The following DENND2A variants were observed in gnomAD, a reference collection of about 807,000 sequenced individuals.
DENND2A encodes DENN domain-containing protein 2A.
Under a neutral mutation model 105.3 loss-of-function variants are expected in DENND2A, and 53 were observed. The observed-to-expected ratio is 0.50, with a 90% confidence interval of 0.40 to 0.63. The LOEUF (loss-of-function observed/expected upper bound fraction) is 0.63, where lower values mean the gene tolerates loss of function less well. Among genes scored for constraint, DENND2A ranks in the 30% least tolerant of loss-of-function variants. The pLI is 0.00. For synonymous variants in DENND2A, 522 were observed against 508.4 expected (o/e 1.03, Z -0.36); for missense variants, 1,138 against 1,279.6 (o/e 0.89, Z 1.69).
At chr7:140,596,733 G>T (rs1041858029) in intron 3 of DENND2A, among the ~76,000 whole-genome samples, 6 of 152,174 alleles carry the variant, frequency 3.9e-5, no homozygotes, top group Admixed American at 6.5e-5. Flanking sequence ...AGATCTACAA[G>T]CTGTCACATG....
chr7:140,630,330 T>G (rs1377366982), intron 1 of DENND2A, among the ~76,000 whole-genome samples: 1 of 152,168 alleles, frequency 6.6e-6, no homozygotes, highest in African/African-American at 2.4e-5. Flanking sequence ...AGGCTCTTTG[T>G]ATGTTTCTTT....
In DENND2A at chr7:140,546,942, G is replaced by C. The variant is rs1486568776; in HGVS notation, c.2038-3C>G. The stretch of plus-strand genomic sequence containing the variant: ...CTTTTTTCCACCTCATCCAAGATCT[G>C]CAAGGGTCAGAAAAGCAGCTTAGCT... On this transcript the variant is annotated splice_polypyrimidine_tract_variant and splice_region_variant and intron_variant, in intron 12 of 19. Coordinates refer to ENST00000496613, the MANE Select transcript of DENND2A (RefSeq NM_015689.5). The C allele has an allele frequency of 1.9e-6, 3 of 1,612,648 alleles. No individual in the cohort carries two copies. In the African/African-American group the frequency reaches 4.0e-5, roughly 22 times the overall value.
chr7:140,538,981 G>A (rs1474010916), intron 14 of DENND2A, among the ~76,000 whole-genome samples: 2 of 150,250 alleles, frequency 1.3e-5, no homozygotes, highest in East Asian at 2.0e-4. Context: ...GTGCCACCAC[G>A]CCCAGCTAAT....
At chr7:140,626,247 C>T (rs918175278) in intron 1 of DENND2A, among the ~76,000 whole-genome samples, 1 of 152,220 alleles carries the variant, frequency 6.6e-6, no homozygotes, top group African/African-American at 2.4e-5. Context: ...TTCCCCTTCT[C>T]CGTCCCCTGC....
chr7:140,628,875 G>GCC (rs1800632551), intron 1 of DENND2A, among the ~76,000 whole-genome samples: 1 of 152,052 alleles, frequency 6.6e-6, no homozygotes, highest in South Asian at 2.1e-4. Context: ...AGCCAGCATT[G>GCC]ATCAGTTTAA....
chr7:140,546,282 G>A (rs1314496967), intron 13 of DENND2A, among the ~76,000 whole-genome samples: 2 of 152,046 alleles, frequency 1.3e-5, no homozygotes, highest in Non-Finnish European at 2.9e-5. Context: ...GCCGGGTGTG[G>A]CAGCAGGCAC....
intron 3 of DENND2A, among the ~76,000 whole-genome samples, chr7:140,598,636 AC>A (rs1788617865): frequency 6.6e-6 from 1 of 152,164 alleles, no homozygotes; most frequent in Non-Finnish European, 1.5e-5. Context: ...ACACAAACAC[AC>A]ACAAAATAAG....
At chr7:140,629,803 T>C (rs1430920462) in intron 1 of DENND2A, among the ~76,000 whole-genome samples, 2 of 151,838 alleles carry the variant, frequency 1.3e-5, no homozygotes, top group African/African-American at 2.4e-5. Flanking sequence ...GTTGCTCTTA[T>C]GGTGCTCTTG....
At chr7:140,550,399 CCAGGCTGGAGTG>C (rs1403368255) in intron 12 of DENND2A, among the ~76,000 whole-genome samples, 1 of 152,022 alleles carries the variant, frequency 6.6e-6, no homozygotes, top group Non-Finnish European at 1.5e-5. Flanking sequence ...CTGTTGTTGC[CCAGGCTGGAGTG>C]CAGTGGTGCG....
intron 5 of DENND2A, among the ~76,000 whole-genome samples, chr7:140,576,837 T>C (rs1199230970): frequency 6.6e-6 from 1 of 152,160 alleles, no homozygotes; most frequent in Admixed American, 6.6e-5. Context: ...CCAAATTCCA[T>C]CTACAATAAA....
At chr7:140,534,958 G>A (rs1332684846) in intron 14 of DENND2A, among the ~76,000 whole-genome samples, 3 of 152,162 alleles carry the variant, frequency 2.0e-5, no homozygotes, top group Non-Finnish European at 4.4e-5. Context: ...TTGGGTGGTG[G>A]TTCCTGAGTG....
intron 3 of DENND2A, among the ~76,000 whole-genome samples, chr7:140,595,463 A>G (rs551695947): frequency 1.3e-4 from 20 of 152,010 alleles, no homozygotes; most frequent in Middle Eastern, 3.4e-3. Context: ...ATTTTCCTCT[A>G]TGGATTAAAA....
chr7:140,619,738 G>T (rs896743820), intron 1 of DENND2A, among the ~76,000 whole-genome samples: 1 of 151,920 alleles, frequency 6.6e-6, no homozygotes, highest in Admixed American at 6.6e-5. Flanking sequence ...GACCTCAAGT[G>T]ATCTGCCTGC....
At chr7:140,546,289 G>A (rs1796900290) in intron 13 of DENND2A, among the ~76,000 whole-genome samples, 1 of 151,964 alleles carries the variant, frequency 6.6e-6, no homozygotes, top group African/African-American at 2.4e-5. Context: ...GTGGCAGCAG[G>A]CACCTGTAGT....
intron 14 of DENND2A, among the ~76,000 whole-genome samples, chr7:140,542,851 C>T (rs767671410): frequency 2.6e-5 from 4 of 152,090 alleles, no homozygotes; most frequent in Non-Finnish European, 4.4e-5. Context: ...CAGTCATGAG[C>T]CACCGCGCCT....
intron 6 of DENND2A, among the ~76,000 whole-genome samples, chr7:140,571,654 T>C (rs1163404473): frequency 2.0e-5 from 3 of 152,206 alleles, no homozygotes; most frequent in Middle Eastern, 3.4e-3. Context: ...CAAGTGTCCA[T>C]GGACGGATAG....
intron 12 of DENND2A, among the ~76,000 whole-genome samples, chr7:140,554,008 A>G (rs1797255194): frequency 6.6e-6 from 1 of 152,076 alleles, no homozygotes; most frequent in African/African-American, 2.4e-5. Context: ...TGGGCGGATT[A>G]CGAGGTCAGG....
intron 14 of DENND2A, among the ~76,000 whole-genome samples, chr7:140,541,428 TG>T (rs948701440): frequency 6.6e-6 from 1 of 152,020 alleles, no homozygotes; most frequent in Non-Finnish European, 1.5e-5. Flanking sequence ...CCACCACTCC[TG>T]GGGGGTGCTG....
At chr7:140,629,456 C>T (rs970075589) in intron 1 of DENND2A, among the ~76,000 whole-genome samples, 1 of 151,998 alleles carries the variant, frequency 6.6e-6, no homozygotes, top group Admixed American at 6.6e-5. Context: ...GCATGAAGAC[C>T]GCCTGCTAGG....
Sources: gnomAD v4.1 joint callset for allele counts (sites outside exome capture counted in the v4.1 genomes callset) on GRCh38, gnomAD v4.1.1 for gene constraint, MANE v1.5 for transcripts, NCBI Gene and HGNC (gene_info 2026-07-23, HGNC 2026-07-21) for gene names.